Variants in NHSL1 observed in about 807,000 individuals in gnomAD.
NHSL1 encodes the protein NHS-like protein 1.
A neutral mutation model predicts 95.0 loss-of-function variants in NHSL1; 48 were observed. That is an observed-to-expected ratio of 0.51 (90% CI 0.40 to 0.64). NHSL1 has a LOEUF of 0.64. NHSL1 is among the 30% of genes least tolerant of loss of function. The pLI is 0.00. For synonymous variants in NHSL1, 783 were observed against 833.9 expected (o/e 0.94, Z 1.05); for missense variants, 1,971 against 2,077.7 (o/e 0.95, Z 1.00).
chr6:138,440,862 C>T (rs1277792638), intron 5 of NHSL1, among the ~76,000 whole-genome samples: 1 of 152,194 alleles, frequency 6.6e-6, no homozygotes, highest in Non-Finnish European at 1.5e-5. Context: ...GAAATAATGA[C>T]TCTGAGTTTC....
At chr6:138,582,051 C>T (rs1400728289) in intron 1 of NHSL1, among the ~76,000 whole-genome samples, 1 of 151,930 alleles carries the variant, frequency 6.6e-6, no homozygotes, top group East Asian at 1.9e-4. Flanking sequence ...CGTACACCAC[C>T]ACACCTGGCT....
chr6:138,486,860 A>G (rs555996784), intron 2 of NHSL1, among the ~76,000 whole-genome samples: 17 of 152,338 alleles, frequency 1.1e-4, no homozygotes, highest in African/African-American at 4.1e-4. Flanking sequence ...GTGTATCATA[A>G]GCAGCAGAAT....
chr6:138,475,974 C>T lies in NHSL1; in HGVS notation c.212-2541G>A, dbSNP rs1779044547. Among the ~76,000 whole-genome samples the T allele has an allele frequency of 1.3e-5, 2 of 151,374 alleles. 1 individual carries two copies. Among genetic ancestry groups the T allele is most frequent in the South Asian group, 4.2e-4 (2 of 4,814 alleles). On this transcript the variant is annotated intron_variant, in intron 2 of 7. Transcript: ENST00000343505. ...TGAGACTCTGTCTCAAAAAACAAAA[C>T]AAAACAAAAGTCAAAAGCAACAGAT...
intron 1 of NHSL1, among the ~76,000 whole-genome samples, chr6:138,570,792 A>G (rs573172787): frequency 6.6e-6 from 1 of 152,374 alleles, no homozygotes; most frequent in African/African-American, 2.4e-5. Context: ...TTCTTTTGGC[A>G]TGGGGAAGAA....
At chr6:138,556,588 G>C (rs922053248) in intron 1 of NHSL1, among the ~76,000 whole-genome samples, 2 of 148,990 alleles carry the variant, frequency 1.3e-5, no homozygotes, top group Non-Finnish European at 3.0e-5. Context: ...TGCAAAATGG[G>C]GATTATAGCA....
chr6:138,686,385 G>A (rs1420727319), intron 1 of NHSL1, among the ~76,000 whole-genome samples: 1 of 152,080 alleles, frequency 6.6e-6, no homozygotes, highest in East Asian at 1.9e-4. Flanking sequence ...GCCTGGCATG[G>A]TGGCATGTGC....
chr6:138,632,615 G>C (rs893838060), intron 1 of NHSL1, among the ~76,000 whole-genome samples: 1 of 152,148 alleles, frequency 6.6e-6, no homozygotes, highest in Non-Finnish European at 1.5e-5. Context: ...AATCATCAAG[G>C]TGTTACCTCT....
intron 1 of NHSL1, among the ~76,000 whole-genome samples, chr6:138,603,036 T>G (rs956326716): frequency 1.4e-4 from 22 of 152,160 alleles, no homozygotes; most frequent in African/African-American, 5.3e-4. Flanking sequence ...TTAATTCAGC[T>G]CACATTGTTG....
At chr6:138,620,422 T>C (rs762199416) in intron 1 of NHSL1, among the ~76,000 whole-genome samples, 1 of 152,208 alleles carries the variant, frequency 6.6e-6, no homozygotes, top group Admixed American at 6.5e-5. Flanking sequence ...TAGTTGTTTT[T>C]TTTGAGAAGG....
intron 1 of NHSL1, among the ~76,000 whole-genome samples, chr6:138,565,361 C>T (rs898713626): frequency 5.9e-5 from 9 of 152,174 alleles, no homozygotes; most frequent in African/African-American, 2.2e-4. Context: ...CCCACCTCGG[C>T]CTCCCCAGGT....
chr6:138,514,267 G>A (rs993853345), intron 1 of NHSL1, among the ~76,000 whole-genome samples: 10 of 151,974 alleles, frequency 6.6e-5, no homozygotes, highest in African/African-American at 2.4e-4. Context: ...GCAGTGAGCC[G>A]AGATCACGCC....
chr6:138,691,607 C>A (rs921905303), intron 1 of NHSL1, among the ~76,000 whole-genome samples: 11 of 152,164 alleles, frequency 7.2e-5, no homozygotes, highest in Non-Finnish European at 7.3e-5. Context: ...CCAATTTATT[C>A]TTTACACTTA....
At chr6:138,489,028 T>C (rs1365549707) in intron 2 of NHSL1, among the ~76,000 whole-genome samples, 1 of 152,176 alleles carries the variant, frequency 6.6e-6, no homozygotes, top group Admixed American at 6.5e-5. Flanking sequence ...GTGGATGAAA[T>C]GAACCTGAGT....
chr6:138,626,161 A>G (rs1249863652), intron 1 of NHSL1, among the ~76,000 whole-genome samples: 1 of 152,202 alleles, frequency 6.6e-6, no homozygotes, highest in South Asian at 2.1e-4. Flanking sequence ...GAGGTGTCCA[A>G]ATTATTCCAC....
At chr6:138,475,104 G>A (rs956666712) in intron 2 of NHSL1, among the ~76,000 whole-genome samples, 4 of 147,966 alleles carry the variant, frequency 2.7e-5, no homozygotes, top group Non-Finnish European at 5.9e-5. Flanking sequence ...AGCCGAGATC[G>A]CACCACTACA....
At chr6:138,685,519 C>T (rs752234713) in intron 1 of NHSL1, among the ~76,000 whole-genome samples, 10 of 152,012 alleles carry the variant, frequency 6.6e-5, no homozygotes, top group African/African-American at 9.6e-5. Context: ...CAACATGTGA[C>T]GATCCACGCA....
Position 138,432,183 on chromosome 6 carries a change from G to A in NHSL1, c.2162C>T (p.Ser721Phe). Residue 721 changes from serine (S) to phenylalanine (F), a missense_variant, in exon 6 of 8, where the codon TCC becomes TTC. Transcript: ENST00000343505. This position sits in a 1 kb window ranked among gnomAD's most constrained non-coding sequence, Gnocchi z 4.4. ...SLPGKSGSSP[S>F]QSPCSDLEEP... is the part of the protein sequence containing the mutation. ...TTCCAAGTCACTGCAGGGGCTCTGGGAGGGCGAGCTGCCACTCTTGCCTGG... is the reference window on the plus strand; with the variant it reads ...TTCCAAGTCACTGCAGGGGCTCTGGAAGGGCGAGCTGCCACTCTTGCCTGG... 1 of 1,547,018 alleles carries A rather than the reference G, an allele frequency of 6.5e-7. No individual in the cohort carries two copies. Among genetic ancestry groups the A allele is most frequent in the Non-Finnish European group, 8.7e-7 (1 of 1,144,394 alleles).
intron 3 of NHSL1, among the ~76,000 whole-genome samples, chr6:138,455,594 G>C (rs1242690066): frequency 6.6e-6 from 1 of 151,304 alleles, no homozygotes; most frequent in East Asian, 1.9e-4. Context: ...CGAGCTATGT[G>C]ATCTTGAGAA....
upstream of NHSL1, among the ~76,000 whole-genome samples, chr6:138,574,277 G>C (rs1026603342): frequency 5.9e-5 from 9 of 152,162 alleles, no homozygotes; most frequent in African/African-American, 2.2e-4. Context: ...CATAACACCA[G>C]TGGCTAACAT....
Sources: allele counts gnomAD v4.1 joint callset (sites outside exome capture counted in the v4.1 genomes callset), GRCh38; gene constraint gnomAD v4.1.1; non-coding constraint Gnocchi (gnomAD v3.1); transcripts MANE v1.5; gene names NCBI Gene and HGNC (gene_info 2026-07-23, HGNC 2026-07-21).